ECEL1: variants seen among roughly 807,000 people sequenced by gnomAD.
ECEL1 encodes endothelin converting enzyme like 1, also known as endothelin-converting enzyme-like 1.
Under a neutral mutation model 101.8 loss-of-function variants are expected in ECEL1, and 87 were observed. The observed-to-expected ratio is 0.85, with a 90% CI of 0.72 to 1.02. The LOEUF (loss-of-function observed/expected upper bound fraction) is 1.02. Ranked by LOEUF, ECEL1 falls within the 50% of genes least tolerant of loss-of-function variation. The pLI, the probability that ECEL1 is intolerant of heterozygous loss-of-function variation, is 0.00. For missense variants in ECEL1, 1,032 were observed against 1,079.2 expected (o/e 0.96, Z 0.61); for synonymous variants, 487 against 468.7 (o/e 1.04, Z -0.50).
In ECEL1 at chr2:232,480,100, G is replaced by A. The variant is rs1199536246; in HGVS notation, c.*53C>T. On this transcript the variant is annotated 3_prime_UTR_variant, in exon 18 of 18. Transcript: ENST00000304546. Reference sequence around the variant, plus strand: ...GGGTGCATGCCTGCCCCGGTAGCCAGCAGGAGGTGATTCGTGCGGGGGCAG... The same window carrying A: ...GGGTGCATGCCTGCCCCGGTAGCCAACAGGAGGTGATTCGTGCGGGGGCAG... The A allele has an allele frequency of 6.4e-6, 10 of 1,572,802 alleles. No individual in the cohort carries two copies. The East Asian group carries it at 6.7e-5, about 11-fold the overall frequency.
At chr2:232,483,050 A>C in intron 9 of ECEL1, 55 bp downstream of exon 9, 1 of 1,612,120 alleles carries the variant, frequency 6.2e-7, no homozygotes, top group Non-Finnish European at 8.5e-7. Context: ...TGCCCTCCTG[A>C]GTGCCGTTAG....
At chr2:232,487,152 G>T (rs543962319) in intron 1 of ECEL1, among the ~76,000 whole-genome samples, 1 of 152,332 alleles carries the variant, frequency 6.6e-6, no homozygotes, top group Admixed American at 6.5e-5. Context: ...GCGGTCAGGG[G>T]CGCGTCTATG....
At position 232,486,561 on chromosome 2, in the gene ECEL1, GGCCCCGCGCGC is replaced by G; in HGVS notation, c.82_92del (p.Ala28LeufsTer70). The G allele has an allele frequency of 7.3e-7, 1 of 1,371,414 alleles. No individual in the cohort carries two copies. Among genetic ancestry groups the G allele is most frequent in the South Asian group, 1.7e-5 (1 of 57,884 alleles). 85.0% of individuals were successfully genotyped at this position (1,371,414 alleles called of 1,614,324 possible). ...CCAACGGGAAGCCCGGGGGCAGGGA[GGCCCCGCGCGC>G]GCCCCCCGCGCCGCAGCGGCTCACG... On this transcript the variant is annotated frameshift_variant, in exon 2 of 18. Coordinates refer to ENST00000304546, the MANE Select transcript of ECEL1 (RefSeq NM_004826.4). LOFTEE classifies it high-confidence loss of function.
chr2:232,480,626 C>A, intron 16 of ECEL1, 92 bp downstream of exon 16: 1 of 1,520,204 alleles, frequency 6.6e-7, no homozygotes, highest in Non-Finnish European at 9.0e-7. Flanking sequence ...ACAGGCTGTC[C>A]ATGCGAAGCC....
chr2:232,481,075 C>G lies in ECEL1; in HGVS notation c.2055+16G>C. ...TCCCTCCTGCAGCAGGGGTGGAGCA[C>G]AGGCAGGCCGCTCACGTGGTAGGCC... On this transcript the variant is annotated intron_variant, in intron 15 of 17. Transcript: ENST00000304546. 6.4e-7 allele frequency: 1 copy of G among 1,554,172 alleles called. No individual in the cohort carries two copies. The highest frequency in any genetic ancestry group is 1.2e-5 in the South Asian group (1 of 84,276).
Position 232,486,730 on chromosome 2 carries a change from C to A in ECEL1, c.-77G>T. The A allele has an allele frequency of 7.3e-7, 1 of 1,363,046 alleles. No homozygotes were observed. The highest frequency in any genetic ancestry group is 1.6e-5 in the South Asian group (1 of 61,646). 84.4% of individuals were successfully genotyped at this position (1,363,046 alleles called of 1,614,324 possible). A position where few individuals can be genotyped will look rare whatever the true frequency, so the allele number is the denominator to read the frequency against. On this transcript the variant is annotated 5_prime_UTR_variant, in exon 2 of 18. Transcript: ENST00000304546. Reference sequence around the variant, plus strand: ...GCGTGGCCGCCGGCCTCCTCGTGGGCCTCCGCATGGCCCTGGGGCCGCAGC... The same window carrying A: ...GCGTGGCCGCCGGCCTCCTCGTGGGACTCCGCATGGCCCTGGGGCCGCAGC...
intron 15 of ECEL1, 56 bp downstream of exon 15, chr2:232,481,035 C>T: frequency 1.3e-6 from 2 of 1,544,074 alleles, no homozygotes; most frequent in East Asian, 2.4e-5. Flanking sequence ...CATCTGGAGT[C>T]CTCATCAGCC....
chr2:232,480,963 T>C, intron 15 of ECEL1, 128 bp downstream of exon 15: 1 of 1,383,784 alleles, frequency 7.2e-7, no homozygotes, highest in South Asian at 1.3e-5. Flanking sequence ...CCCCAGCACA[T>C]GCCCTGCCCC....
intron 2 of ECEL1, 90 bp from the exon 3 acceptor site, chr2:232,485,357 AC>A: frequency 6.9e-7 from 1 of 1,441,510 alleles, no homozygotes; most frequent in Non-Finnish European, 9.5e-7. Context: ...CCAGAGAGCA[AC>A]CAGACATCCA....
At chr2:232,480,591 C>A in intron 16 of ECEL1, 116 bp from the exon 17 acceptor site, 2 of 1,503,232 alleles carry the variant, frequency 1.3e-6, no homozygotes, top group South Asian at 2.3e-5. Context: ...AGGACCATCA[C>A]CTCTGACGGG....
rs1418196121 is a variant in ECEL1 at position 232,485,821 on chromosome 2, G to C, written c.786+47C>G. On this transcript the variant is annotated intron_variant, in intron 2 of 17. Transcript: ENST00000304546. ...AGGGACCCCTGGGCAAGGCCACTGC[G>C]CCCCGGATCCGCGGCCGCTGGCAGG... The C allele has an allele frequency of 2.0e-6, 3 of 1,534,392 alleles. No individual in the cohort carries two copies. In the South Asian group the frequency reaches 3.6e-5, roughly 18 times the overall value.
intron 17 of ECEL1, 50 bp downstream of exon 17, chr2:232,480,349 C>T: frequency 6.2e-7 from 1 of 1,612,296 alleles, no homozygotes; most frequent in Non-Finnish European, 8.5e-7. Flanking sequence ...CCCCCTGATC[C>T]CACCCCAAAC....
Position 232,486,495 on chromosome 2 carries a change from C to T in ECEL1, c.159G>A (p.Pro53=). The T allele has an allele frequency of 7.1e-7, 1 of 1,402,320 alleles. No homozygotes were observed. The highest frequency in any genetic ancestry group is 9.2e-7 in the Non-Finnish European group (1 of 1,088,114). The allele number at this position is 1,402,320 out of a possible 1,614,324, so 86.9% of individuals were successfully genotyped here. A position where few individuals can be genotyped will look rare whatever the true frequency, so the allele number is the denominator to read the frequency against. Residue 53 remains proline (P), a synonymous_variant, in exon 2 of 18, where the codon CCG becomes CCA. Coordinates refer to ENST00000304546, the MANE Select transcript of ECEL1 (RefSeq NM_004826.4). ...GGCACACCTCGCGCCGGTTCCAGCG[C>T]GGCAGCCCGGACCGGGCCCCGGTGG... is the stretch of plus-strand genomic sequence containing the variant. ...RSATGARSGL[P]RWNRREVCLL...
Position 232,486,299 on chromosome 2 carries a change from T to C in ECEL1, c.355A>G (p.Ser119Gly), listed in dbSNP as rs1242066369. 3 of 1,591,146 alleles carry C rather than the reference T, an allele frequency of 1.9e-6. No homozygotes were observed. Among genetic ancestry groups the C allele is most frequent in the Admixed American group, 1.7e-5 (1 of 58,974 alleles). Residue 119 changes from serine to glycine, a missense_variant, in exon 2 of 18, where the codon AGC becomes GGC. Physicochemically the swap from Ser to Gly is moderately conservative, Grantham distance 56. Coordinates refer to ENST00000304546, the MANE Select transcript of ECEL1 (RefSeq NM_004826.4). The stretch of plus-strand genomic sequence containing the variant: ...TAGAAGTCCTGGCATGGGTCGATGC[T>C]GGCGTCCAGGTTGGCGGCCAGGAAG... ...ARFLAANLDA[S>G]IDPCQDFYSF...
rs1690738666 is a variant in ECEL1, at chr2:232,486,629, C to T, written c.25G>A (p.Ala9Thr). The T allele has an allele frequency of 2.6e-6, 4 of 1,528,518 alleles. No individual in the cohort carries two copies. The highest frequency in any genetic ancestry group is 2.7e-5 in the East Asian group (1 of 37,440). 94.7% of individuals were successfully genotyped at this position (1,528,518 alleles called of 1,614,324 possible). The change falls in exon 2 of 18, where the codon GCG (alanine) becomes ACG (threonine). Residue 9 changes from alanine (A) to threonine (T), a missense_variant. Ala to Thr is a moderately conservative substitution (Grantham distance 58, BLOSUM62 0). Coordinates refer to ENST00000304546, the MANE Select transcript of ECEL1 (RefSeq NM_004826.4). MEPPYSLTAHYDEFQEVKY... is the reference protein window; with the variant it reads MEPPYSLTTHYDEFQEVKY... ...ACCTCTTGGAACTCATCGTAGTGCG[C>T]CGTCAGCGAATACGGGGGCTCCATG...
chr2:232,482,280 G>T, intron 12 of ECEL1, 138 bp downstream of exon 12: 1 of 1,108,538 alleles, frequency 9.0e-7, no homozygotes, highest in Non-Finnish European at 1.4e-6. Context: ...GGGAGCCAGG[G>T]TCCACAGCTG....
At chr2:232,480,533 C>A in intron 16 of ECEL1, 58 bp from the exon 17 acceptor site, 1 of 1,604,110 alleles carries the variant, frequency 6.2e-7, no homozygotes, top group Non-Finnish European at 8.5e-7. Flanking sequence ...GCATCCGCCC[C>A]CTTGCCCCCC....
In ECEL1 at chr2:232,481,837, G is replaced by A. The variant is rs376446735; in HGVS notation, c.1809C>T (p.Tyr603=). 83 of 1,613,832 alleles carry A rather than the reference G, an allele frequency of 5.1e-5. No individual in the cohort carries two copies. Among genetic ancestry groups the A allele is most frequent in the Middle Eastern group, 3.3e-4 (2 of 6,084 alleles). Residue 603 remains tyrosine (Y), a synonymous_variant, in exon 13 of 18, where the codon TAC becomes TAT. Coordinates refer to ENST00000304546, the MANE Select transcript of ECEL1 (RefSeq NM_004826.4). ...YDPDFPQSLN[Y]GGIGTIIGHE... is the part of the protein sequence containing the mutation. ...GTCCAATGATGGTGCCGATGCCCCC[G>A]TAGTTGAGAGACCTGGGCCCACAGC... is the stretch of plus-strand genomic sequence containing the variant.
intron 1 of ECEL1, among the ~76,000 whole-genome samples, chr2:232,487,458 C>T (rs892914040): frequency 6.6e-6 from 1 of 152,096 alleles, no homozygotes; most frequent in African/African-American, 2.4e-5. Flanking sequence ...CTGGCTTCAA[C>T]AGGTTCTCCC....
Sources: gnomAD v4.1 joint callset for allele counts (sites outside exome capture counted in the v4.1 genomes callset) on GRCh38, gnomAD v4.1.1 for gene constraint, MANE v1.5 for transcripts, NCBI Gene and HGNC (gene_info 2026-07-23, HGNC 2026-07-21) for gene names.